The following CHST15 variants were observed in gnomAD, a reference collection of about 807,000 sequenced individuals.
The protein encoded by CHST15 is carbohydrate sulfotransferase 15.
A neutral mutation model predicts 53.6 loss-of-function variants in CHST15; 30 were observed. The observed-to-expected ratio is 0.56, with a 90% CI of 0.42 to 0.76. CHST15 has a LOEUF of 0.76. CHST15 is among the 30% of genes least tolerant of loss of function. CHST15 has a pLI of 0.00. For synonymous variants in CHST15, 296 were observed against 289.8 expected (o/e 1.02, Z -0.22); for missense variants, 627 against 740.5 (o/e 0.85, Z 1.78).
intron 1 of CHST15, among the ~76,000 whole-genome samples, chr10:124,089,417 G>A (rs186205187): frequency 8.7e-4 from 132 of 152,300 alleles, no homozygotes; most frequent in African/African-American, 3.1e-3. Context: ...GGGCCTGAAC[G>A]TGTAGATGGG....
In CHST15 at chr10:124,019,412, G is replaced by A. The variant is rs1368802027; in HGVS notation, c.1347+1844C>T. Reference sequence around the variant, plus strand: ...TGGTTCTGGGTCACGAAGCCGGGTCGACAAGCTGTGCTGGTCAAGCCACAC... The same window carrying A: ...TGGTTCTGGGTCACGAAGCCGGGTCAACAAGCTGTGCTGGTCAAGCCACAC... On this transcript the variant is annotated intron_variant, in intron 6 of 7. Coordinates refer to ENST00000435907, the MANE Select transcript of CHST15 (RefSeq NM_001270764.2). The surrounding 1 kb of genome is among the most constrained non-coding windows in gnomAD (Gnocchi z 4.6). Among the ~76,000 whole-genome samples the A allele has an allele frequency of 1.3e-5, 2 of 152,110 alleles. No individual in the cohort carries two copies. Among genetic ancestry groups the A allele is most frequent in the East Asian group, 1.9e-4 (1 of 5,180 alleles).
At chr10:124,018,442 G>A (rs1392786761) in intron 6 of CHST15, among the ~76,000 whole-genome samples, 7 of 152,334 alleles carry the variant, frequency 4.6e-5, no homozygotes, top group Admixed American at 3.9e-4. Flanking sequence ...AAGTGAGCTC[G>A]GAGCCACGAA....
At chr10:124,090,361 G>A (rs370306051) in intron 1 of CHST15, among the ~76,000 whole-genome samples, 21 of 152,188 alleles carry the variant, frequency 1.4e-4, no homozygotes, top group Admixed American at 1.4e-3. Flanking sequence ...GGACAGCCCT[G>A]GGGTCTCCCT....
At chr10:124,078,913 T>C (rs527897297) in intron 1 of CHST15, among the ~76,000 whole-genome samples, 3 of 152,268 alleles carry the variant, frequency 2.0e-5, no homozygotes, top group South Asian at 4.1e-4. Context: ...GAGTCTACTA[T>C]TTTTGCATCT....
At chr10:124,038,108 A>ATTTTT (rs202094516) in intron 5 of CHST15, among the ~76,000 whole-genome samples, 1 of 132,308 alleles carries the variant, frequency 7.6e-6, no homozygotes, top group Non-Finnish European at 1.6e-5. Context: ...TTTTTATTTT[A>ATTTTT]TTTTATTTTT....
At chr10:124,073,665 C>T (rs1177815574) in intron 1 of CHST15, among the ~76,000 whole-genome samples, 4 of 152,238 alleles carry the variant, frequency 2.6e-5, no homozygotes, top group Non-Finnish European at 5.9e-5. Flanking sequence ...GGCACAGCAA[C>T]CATTCGACAG....
intron 6 of CHST15, among the ~76,000 whole-genome samples, chr10:124,015,762 T>C (rs1946566037): frequency 6.6e-6 from 1 of 152,358 alleles, no homozygotes; most frequent in Admixed American, 6.5e-5. Flanking sequence ...TGCAATCTCA[T>C]GGAGACAGAG....
rs1210005275 is a variant in CHST15 at position 124,093,545 on chromosome 10, C to A, written c.-589G>T. 1 of 152,282 alleles carries A rather than the reference C, an allele frequency of 6.6e-6. No homozygotes were observed. Among genetic ancestry groups the A allele is most frequent in the Non-Finnish European group, 1.5e-5 (1 of 68,106 alleles). The allele number at this position is 152,282 out of a possible 1,614,324, so 9.4% of individuals were successfully genotyped here. A position where few individuals can be genotyped will look rare whatever the true frequency, so the allele number is the denominator to read the frequency against. ...AGCGCGCCCAGCCCCGAGCCTCTAG[C>A]CCCGCATCCAGGGCGCGTCAACCTG... On this transcript the variant is annotated 5_prime_UTR_variant, in exon 1 of 8. Transcript: ENST00000435907.
In CHST15 at chr10:124,045,788, T is replaced by C; in HGVS notation, c.425A>G (p.Asn142Ser). 6.2e-7 allele frequency: 1 copy of C among 1,614,192 alleles called. No individual in the cohort carries two copies. The highest frequency in any genetic ancestry group is 8.5e-7 in the Non-Finnish European group (1 of 1,180,038). The stretch of plus-strand genomic sequence containing the variant: ...TGGATAGTCCTTCATGTATGAAATA[T>C]TATTTACAGAGGATTGGTGGTGATG... The part of the protein sequence containing the change: ...KEHHHQSSVN[N>S]ISYMKDYPSI... Residue 142 changes from asparagine to serine, a missense_variant, in exon 2 of 8, where the codon AAT (asparagine) becomes AGT (serine). By Grantham distance (46) the Asn-to-Ser change is conservative. Coordinates refer to ENST00000435907, the MANE Select transcript of CHST15 (RefSeq NM_001270764.2).
At chr10:124,044,287 T>G (rs969923652) in intron 3 of CHST15, among the ~76,000 whole-genome samples, 1 of 152,190 alleles carries the variant, frequency 6.6e-6, no homozygotes, top group Non-Finnish European at 1.5e-5. Context: ...TACTGGCCAC[T>G]GGCACTTACT....
Position 124,045,123 on chromosome 10 carries a change from A to ACAAAAAAC in CHST15, c.547-205_547-204insGTTTTTTG, listed in dbSNP as rs779182482. Among the ~76,000 whole-genome samples the ACAAAAAAC allele has an allele frequency of 2.5e-4, 32 of 125,758 alleles. 5 individuals carry two copies. The highest frequency in any genetic ancestry group is 4.2e-3 in the Middle Eastern group (1 of 238). 82.5% of individuals were successfully genotyped at this position (125,758 alleles called of 152,430 possible). A position where few individuals can be genotyped will look rare whatever the true frequency, so the allele number is the denominator to read the frequency against. On this transcript the variant is annotated intron_variant, in intron 2 of 7. Coordinates refer to ENST00000435907, the MANE Select transcript of CHST15 (RefSeq NM_001270764.2). The stretch of plus-strand genomic sequence containing the variant: ...CCCCCGCCGCCCCACAAAAAAAAAA[A>ACAAAAAAC]AAAAAAAAAAAAAAAAAAAAACTTG...
chr10:124,008,526 G>A lies in CHST15; in HGVS notation c.*1623C>T. On this transcript the variant is annotated 3_prime_UTR_variant, in exon 8 of 8. Coordinates refer to ENST00000435907, the MANE Select transcript of CHST15 (RefSeq NM_001270764.2). The stretch of plus-strand genomic sequence containing the variant: ...GGAGTTCAGGACACACGCTCCTTCA[G>A]TAGCAAAAACAGCCCTGGCCATCCT... The A allele has an allele frequency of 1.0e-6, 1 of 992,352 alleles. No individual in the cohort carries two copies. 61.5% of individuals were successfully genotyped at this position (992,352 alleles called of 1,614,324 possible).
chr10:124,078,220 A>G (rs1305512883), intron 1 of CHST15, among the ~76,000 whole-genome samples: 1 of 152,222 alleles, frequency 6.6e-6, no homozygotes, highest in Non-Finnish European at 1.5e-5. Flanking sequence ...GCCTGAGCCA[A>G]GGAGGGAGCC....
chr10:124,027,481 C>T (rs1030796862), intron 5 of CHST15, among the ~76,000 whole-genome samples: 2 of 152,208 alleles, frequency 1.3e-5, no homozygotes, highest in African/African-American at 4.8e-5. Flanking sequence ...ACACTTACAG[C>T]GTGCTGTTCT....
chr10:124,009,381 C>A lies in CHST15; in HGVS notation c.*768G>T, dbSNP rs1042219632. The stretch of plus-strand genomic sequence containing the variant: ...AAAGTGGTTTTGTTTTAAACGCATT[C>A]ATTTTCTATGTTAAACATAAGTCCA... On this transcript the variant is annotated 3_prime_UTR_variant, in exon 8 of 8. Transcript: ENST00000435907. 3 of 1,009,600 alleles carry A rather than the reference C, an allele frequency of 3.0e-6. No homozygotes were observed. Among genetic ancestry groups the A allele is most frequent in the African/African-American group, 3.5e-5 (2 of 57,810 alleles). 62.5% of individuals were successfully genotyped at this position (1,009,600 alleles called of 1,614,324 possible).
rs544884335 is a variant in CHST15, at chr10:124,074,101, G to C, written c.-513+19368C>G. ...CCTCTTTCCATAGAAGACTTTCTCAGGACAGAAGTGGGTGTGATTAGCGCA... is the reference window on the plus strand; with the variant it reads ...CCTCTTTCCATAGAAGACTTTCTCACGACAGAAGTGGGTGTGATTAGCGCA... On this transcript the variant is annotated intron_variant, in intron 1 of 7. Coordinates refer to ENST00000435907, the MANE Select transcript of CHST15 (RefSeq NM_001270764.2). The surrounding 1 kb of genome is among the most constrained non-coding windows in gnomAD (Gnocchi z 4.4). 6.6e-6 allele frequency among the ~76,000 whole-genome samples: 1 copy of C among 152,204 alleles called. No homozygotes were observed. Among genetic ancestry groups the C allele is most frequent in the South Asian group, 2.1e-4 (1 of 4,834 alleles).
chr10:124,042,159 G>C, intron 4 of CHST15, 142 bp downstream of exon 4: 1 of 698,612 alleles, frequency 1.4e-6, no homozygotes, highest in South Asian at 2.0e-5. Flanking sequence ...GTGACAGCCA[G>C]GTGGAGAAGT....
Position 124,044,860 on chromosome 10 carries a change from C to T in CHST15, c.606G>A (p.Glu202=). Residue 202 remains glutamate, a synonymous_variant, in exon 3 of 8, where the codon GAG becomes GAA. Transcript: ENST00000435907. Reference sequence around the variant, plus strand: ...CGGTGGTGTTCTGCCCCGAGAACTCCTCGTACCAACAGGGGCTCTTACTGT... The same window carrying T: ...CGGTGGTGTTCTGCCCCGAGAACTCTTCGTACCAACAGGGGCTCTTACTGT... ...LPNSKSPCWY[E]EFSGQNTTDP... is the part of the protein sequence containing the mutation. The T allele has an allele frequency of 6.7e-7, 1 of 1,490,610 alleles. No individual in the cohort carries two copies. Among genetic ancestry groups the T allele is most frequent in the Non-Finnish European group, 8.9e-7 (1 of 1,118,238 alleles). 92.3% of individuals were successfully genotyped at this position (1,490,610 alleles called of 1,614,324 possible).
intron 1 of CHST15, among the ~76,000 whole-genome samples, chr10:124,078,140 A>C (rs1949132177): frequency 6.6e-6 from 1 of 152,354 alleles, no homozygotes; most frequent in South Asian, 2.1e-4. Flanking sequence ...AGCCTCTTGC[A>C]TTGCAGGTAA....
Sources: allele counts gnomAD v4.1 joint callset (sites outside exome capture counted in the v4.1 genomes callset), GRCh38; gene constraint gnomAD v4.1.1; non-coding constraint Gnocchi (gnomAD v3.1); transcripts MANE v1.5; gene names NCBI Gene and HGNC (gene_info 2026-07-23, HGNC 2026-07-21).